Variants in CDH13 observed in about 807,000 individuals in gnomAD.
CDH13 encodes the protein cadherin-13.
CDH13 carries 24 observed loss-of-function variants against 63.8 expected under a neutral mutation model. The ratio of observed to expected loss-of-function variants is 0.38; its 90% confidence interval spans 0.27 to 0.53. The LOEUF (loss-of-function observed/expected upper bound fraction) is 0.53. Ranked by LOEUF, CDH13 falls within the 20% of genes least tolerant of loss-of-function variation. The probability of loss-of-function intolerance (pLI) is 0.85; values close to 1 mark genes in which losing one functional copy is unlikely to be tolerated. For synonymous variants in CDH13, 503 were observed against 355.3 expected (o/e 1.42, Z -4.67); for missense variants, 1,049 against 903.1 (o/e 1.16, Z -2.07).
intron 6 of CDH13, among the ~76,000 whole-genome samples, chr16:83,375,129 G>T (rs2151405998): frequency 6.6e-6 from 1 of 152,288 alleles, no homozygotes. Context: ...CACCCTCCCA[G>T]CTGATATGCT....
chr16:83,370,114 G>A (rs1041986255), intron 6 of CDH13, among the ~76,000 whole-genome samples: 8 of 152,172 alleles, frequency 5.3e-5, no homozygotes, highest in East Asian at 1.9e-4. Context: ...TTGGCTAGGC[G>A]CGGTGGCTCA....
chr16:82,831,696 A>G (rs902610396), intron 1 of CDH13, among the ~76,000 whole-genome samples: 8 of 152,196 alleles, frequency 5.3e-5, no homozygotes, highest in African/African-American at 1.7e-4. Context: ...TCAGATACAA[A>G]TATTTCTGCT....
chr16:83,774,520 G>C (rs1308245542), intron 11 of CDH13, among the ~76,000 whole-genome samples: 1 of 152,018 alleles, frequency 6.6e-6, no homozygotes, highest in Non-Finnish European at 1.5e-5. Context: ...TTACAGGCAC[G>C]TGCCATCATG....
intron 1 of CDH13, among the ~76,000 whole-genome samples, chr16:82,759,005 A>G (rs889008105): frequency 8.5e-5 from 13 of 152,254 alleles, no homozygotes; most frequent in South Asian, 2.1e-4. Context: ...TGCAGCCACT[A>G]TCCTTCTTCA....
intron 4 of CDH13, among the ~76,000 whole-genome samples, chr16:83,199,484 C>T (rs1228759527): frequency 6.6e-6 from 1 of 152,160 alleles, no homozygotes; most frequent in Non-Finnish European, 1.5e-5. Context: ...CTCTCTGGGT[C>T]TCCTTAACTG....
intron 2 of CDH13, among the ~76,000 whole-genome samples, chr16:82,861,556 C>T (rs1353334523): frequency 6.6e-6 from 1 of 152,116 alleles, no homozygotes; most frequent in Non-Finnish European, 1.5e-5. Context: ...GTAATATTTC[C>T]TTTTATCCTT....
intron 6 of CDH13, among the ~76,000 whole-genome samples, chr16:83,451,818 T>C (rs182177304): frequency 8.3e-4 from 127 of 152,354 alleles, no homozygotes; most frequent in African/African-American, 2.9e-3. Context: ...CGATGCCCAG[T>C]CCATTTTATT....
chr16:82,961,548 G>C (rs894042772), intron 2 of CDH13, among the ~76,000 whole-genome samples: 1 of 125,408 alleles, frequency 8.0e-6, no homozygotes, highest in Non-Finnish European at 1.6e-5. Flanking sequence ...ACAGTCTTTT[G>C]TCCATAAGAA....
At chr16:82,974,037 A>G (rs1909154221) in intron 2 of CDH13, among the ~76,000 whole-genome samples, 1 of 152,108 alleles carries the variant, frequency 6.6e-6, no homozygotes, top group African/African-American at 2.4e-5. Flanking sequence ...CTCCTGCCTC[A>G]GCCTCCCAAG....
chr16:83,115,541 G>A (rs2035251744), intron 3 of CDH13, among the ~76,000 whole-genome samples: 1 of 152,192 alleles, frequency 6.6e-6, no homozygotes, highest in African/African-American at 2.4e-5. Context: ...TCACATCTTT[G>A]CGTGAAGCCT....
chr16:82,882,932 C>T (rs1424727171), intron 2 of CDH13, among the ~76,000 whole-genome samples: 2 of 152,058 alleles, frequency 1.3e-5, no homozygotes, highest in Non-Finnish European at 2.9e-5. Flanking sequence ...ATAAGCCTAC[C>T]CCTTTAATGG....
intron 8 of CDH13, among the ~76,000 whole-genome samples, chr16:83,614,035 T>C (rs1479772320): frequency 6.6e-6 from 1 of 152,194 alleles, no homozygotes; most frequent in East Asian, 1.9e-4. Flanking sequence ...ATTTCTATTA[T>C]CAGTCCTTTT....
At chr16:83,244,851 C>G (rs1212262480) in intron 5 of CDH13, among the ~76,000 whole-genome samples, 1 of 152,056 alleles carries the variant, frequency 6.6e-6, no homozygotes, top group Non-Finnish European at 1.5e-5. Context: ...GACTTACTGC[C>G]CAGAGTTTTT....
At chr16:83,761,583 G>A (rs1425080044) in intron 11 of CDH13, among the ~76,000 whole-genome samples, 1 of 152,322 alleles carries the variant, frequency 6.6e-6, no homozygotes, top group East Asian at 1.9e-4. Context: ...TGCCTTATTT[G>A]AACGCTATTT....
At chr16:82,718,275 C>G (rs1414670391) in intron 1 of CDH13, among the ~76,000 whole-genome samples, 7 of 152,204 alleles carry the variant, frequency 4.6e-5, no homozygotes. Context: ...TATCTACCAA[C>G]TCCCCTTCTA....
chr16:82,857,079 G>T (rs766583918), intron 1 of CDH13, among the ~76,000 whole-genome samples: 1 of 152,182 alleles, frequency 6.6e-6, no homozygotes, highest in Non-Finnish European at 1.5e-5. Context: ...AGTCCTGCAC[G>T]TTGACACAGA....
Position 83,678,368 on chromosome 16 carries a change from T to C in CDH13, c.1445T>C (p.Met482Thr). ...GGCCCAGTCTTCTACCCAGACCCCA[T>C]GATGGTGACCAGGCAGGAGGACCTC... ...NEGPVFYPDP[M>T]MVTRQEDLSV... The change falls in exon 10 of 14, where the codon ATG becomes ACG. Residue 482 changes from methionine (M) to threonine (T), a missense_variant. Physicochemically the swap from Met to Thr is moderately conservative, Grantham distance 81 (BLOSUM62 -1). Coordinates refer to ENST00000567109, the MANE Select transcript of CDH13 (RefSeq NM_001257.5). The C allele has an allele frequency of 1.2e-6, 2 of 1,613,910 alleles. No individual in the cohort carries two copies. Among genetic ancestry groups the C allele is most frequent in the Non-Finnish European group, 1.7e-6 (2 of 1,179,882 alleles).
chr16:82,883,463 A>C (rs564671317), intron 2 of CDH13, among the ~76,000 whole-genome samples: 1 of 152,316 alleles, frequency 6.6e-6, no homozygotes, highest in East Asian at 1.9e-4. Context: ...GAGTATGATC[A>C]GGCTGGAACA....
At chr16:83,226,676 A>G (rs2113296) in intron 5 of CDH13, among the ~76,000 whole-genome samples, 15,140 of 152,246 alleles carry the variant, frequency 0.099, 1,005 homozygotes, top group Admixed American at 0.13. Context: ...ATCGCAATAC[A>G]TTGGGACTGC....
Sources: allele counts gnomAD v4.1 joint callset (sites outside exome capture counted in the v4.1 genomes callset), GRCh38; gene constraint gnomAD v4.1.1; transcripts MANE v1.5; gene names NCBI Gene and HGNC (gene_info 2026-07-23, HGNC 2026-07-21).